The following MYOM1 variants were observed in gnomAD, a reference collection of about 807,000 sequenced individuals.
The protein encoded by MYOM1 is myomesin-1.
MYOM1 carries 164 observed loss-of-function variants against 205.3 expected under a neutral mutation model. The ratio of observed to expected loss-of-function variants is 0.80; its 90% CI spans 0.70 to 0.91. The LOEUF is 0.91. MYOM1 is among the 40% of genes least tolerant of loss of function. The pLI, the probability that MYOM1 is intolerant of heterozygous loss-of-function variation, is 0.00. For synonymous variants in MYOM1, 772 were observed against 789.4 expected (o/e 0.98, Z 0.37); for missense variants, 2,011 against 2,127.3 (o/e 0.95, Z 1.08).
At chr18:3,244,610 G>A in the MYOM1 span, among the ~76,000 whole-genome samples, 1 of 151,666 alleles carries the variant, frequency 6.6e-6, no homozygotes, top group Non-Finnish European at 1.5e-5. Flanking sequence ...AAAAAAAGAG[G>A]CCAGGTGTGG....
At chr18:3,234,795 G>C in the MYOM1 span, among the ~76,000 whole-genome samples, 1 of 152,054 alleles carries the variant, frequency 6.6e-6, no homozygotes, top group Admixed American at 6.5e-5. Context: ...CAGCTTCATT[G>C]TGATAGAACT....
Position 3,120,047 on chromosome 18 carries a change from T to C in MYOM1, c.2992-52A>G, listed in dbSNP as rs573854732. 47 of 1,519,984 alleles carry C rather than the reference T, an allele frequency of 3.1e-5. No homozygotes were observed. In the East Asian group the frequency reaches 7.7e-4, roughly 25 times the overall value. The allele number at this position is 1,519,984 out of a possible 1,614,324, so 94.2% of individuals were successfully genotyped here. On this transcript the variant is annotated intron_variant, in intron 19 of 37. Transcript: ENST00000356443. ...CTGAATGTTCCAGGTTTGTTTTTTT[T>C]TTTCTACTTGTTGAGCATTTTATTT...
chr18:3,074,886 C>T (rs11877135), intron 36 of MYOM1, among the ~76,000 whole-genome samples: 26,553 of 151,726 alleles, frequency 0.18, 2,565 homozygotes, highest in Middle Eastern at 0.19. Flanking sequence ...TCTTGGCTCA[C>T]GGGTTCAAGT....
chr18:3,077,773 T>C (rs1283222160), intron 34 of MYOM1, among the ~76,000 whole-genome samples: 1 of 152,220 alleles, frequency 6.6e-6, no homozygotes, highest in Admixed American at 6.5e-5. Flanking sequence ...GTGTTTCACA[T>C]TGTCAGATGG....
chr18:3,192,343 C>T (rs2080922898), intron 3 of MYOM1, among the ~76,000 whole-genome samples: 1 of 152,034 alleles, frequency 6.6e-6, no homozygotes, highest in Non-Finnish European at 1.5e-5. Context: ...GGAAAGTTCA[C>T]TTAAAAAAAT....
the MYOM1 span, among the ~76,000 whole-genome samples, chr18:3,241,448 T>C: frequency 1.3e-5 from 2 of 152,148 alleles, no homozygotes; most frequent in African/African-American, 4.8e-5. Context: ...AGCTTCCACA[T>C]GGTGTTGGGC....
chr18:3,077,186 A>AT (rs982282987), intron 34 of MYOM1, among the ~76,000 whole-genome samples: 2 of 149,318 alleles, frequency 1.3e-5, no homozygotes, highest in African/African-American at 2.5e-5. Context: ...CTATTTTTAC[A>AT]TTTTTTTTAT....
chr18:3,164,464 A>G, intron 9 of MYOM1, 25 bp from the exon 10 acceptor site: 1 of 1,556,548 alleles, frequency 6.4e-7, no homozygotes, highest in Non-Finnish European at 8.7e-7. Flanking sequence ...AAAGTAAGCA[A>G]ATTAACTTAT....
At chr18:3,146,470 C>G (rs1232168413) in intron 13 of MYOM1, among the ~76,000 whole-genome samples, 2 of 152,014 alleles carry the variant, frequency 1.3e-5, no homozygotes, top group Admixed American at 6.6e-5. Context: ...GTTTAATAAT[C>G]TAAAATTAAT....
the MYOM1 span, among the ~76,000 whole-genome samples, chr18:3,245,702 C>T: frequency 6.6e-6 from 1 of 152,222 alleles, no homozygotes; most frequent in Non-Finnish European, 1.5e-5. Flanking sequence ...CACCTCCAGA[C>T]AATCAGGCAT....
chr18:3,183,065 G>T (rs562341395), intron 5 of MYOM1, among the ~76,000 whole-genome samples: 2 of 152,134 alleles, frequency 1.3e-5, no homozygotes, highest in Admixed American at 6.5e-5. Context: ...CAGTAGCTGG[G>T]ATTACAGGCA....
the MYOM1 span, among the ~76,000 whole-genome samples, chr18:3,233,652 G>A: frequency 1.3e-5 from 2 of 152,176 alleles, no homozygotes; most frequent in South Asian, 4.1e-4. Flanking sequence ...GCAAAAAGAG[G>A]TGTTATGTGT....
rs1462758865 is a variant in MYOM1, at chr18:3,135,881, G to A, written c.2026-151C>T. 1.3e-5 allele frequency among the ~76,000 whole-genome samples: 2 copies of A among 152,134 alleles called. No individual in the cohort carries two copies. The highest frequency in any genetic ancestry group is 4.8e-5 in the African/African-American group (2 of 41,438). On this transcript the variant is annotated intron_variant, in intron 14 of 37. Transcript: ENST00000356443. The surrounding 1 kb of genome is among the most constrained non-coding windows in gnomAD (Gnocchi z 4.1). ...GAGATGAGGAGGAAATAGGGGATGA[G>A]GCATCTGAAGTTCGTAGGATTCTCT...
chr18:3,164,557 G>T, intron 9 of MYOM1, 118 bp from the exon 10 acceptor site: 1 of 1,002,844 alleles, frequency 1.0e-6, no homozygotes, highest in Non-Finnish European at 1.4e-6. Context: ...AACTACTAGA[G>T]GAAGTCTCTA....
Position 3,215,109 on chromosome 18 carries a change from A to T in MYOM1, c.115T>A (p.Tyr39Asn), listed in dbSNP as rs2081247761. Residue 39 changes from tyrosine to asparagine, a missense_variant, in exon 2 of 38, where the codon TAC becomes AAC. Tyr to Asn is a moderately radical substitution (Grantham distance 143, BLOSUM62 -2). Transcript: ENST00000356443. The part of the protein sequence containing the change: ...YQREKKRSAV[Y>N]TQGSTAYSSR... ...CTGTAGGCCGTGGAGCCCTGGGTGT[A>T]GACGGCGGAGCGTTTCTTCTCCCGC... 3 of 1,613,738 alleles carry T rather than the reference A, an allele frequency of 1.9e-6. No individual in the cohort carries two copies. The highest frequency in any genetic ancestry group is 2.2e-5 in the South Asian group (2 of 91,084).
At chr18:3,086,763 T>C (rs1242425386) in intron 29 of MYOM1, among the ~76,000 whole-genome samples, 1 of 152,236 alleles carries the variant, frequency 6.6e-6, no homozygotes, top group Non-Finnish European at 1.5e-5. Context: ...TCATCTACAA[T>C]GCTTGAATTT....
At chr18:3,160,441 C>G (rs1294063858) in intron 10 of MYOM1, among the ~76,000 whole-genome samples, 1 of 152,170 alleles carries the variant, frequency 6.6e-6, no homozygotes, top group African/African-American at 2.4e-5. Context: ...CTATCTTGGC[C>G]TCCCAAAGTG....
chr18:3,139,098 A>C (rs2080012598), intron 14 of MYOM1, among the ~76,000 whole-genome samples: 1 of 152,170 alleles, frequency 6.6e-6, no homozygotes, highest in Admixed American at 6.5e-5. Context: ...TGGGCAACAT[A>C]GGGAGACCCC....
chr18:3,191,932 G>A (rs573551199), intron 3 of MYOM1, among the ~76,000 whole-genome samples: 106 of 152,190 alleles, frequency 7.0e-4, no homozygotes, highest in Middle Eastern at 3.4e-3. Context: ...TCCTGACATT[G>A]TGATCTGCCC....
Sources: allele counts gnomAD v4.1 joint callset (sites outside exome capture counted in the v4.1 genomes callset), GRCh38; gene constraint gnomAD v4.1.1; non-coding constraint Gnocchi (gnomAD v3.1); transcripts MANE v1.5; gene names NCBI Gene and HGNC (gene_info 2026-07-23, HGNC 2026-07-21).